KIRREL3: variants seen among roughly 807,000 people sequenced by gnomAD.
The protein encoded by KIRREL3 is kirre like nephrin family adhesion molecule 3, also known as kin of IRRE-like protein 3.
KIRREL3 carries 36 observed loss-of-function variants against 89.7 expected under a neutral mutation model. The observed-to-expected ratio is 0.40, with a 90% CI of 0.31 to 0.53. The LOEUF is 0.53. Ranked by LOEUF, KIRREL3 falls within the 20% of genes least tolerant of loss-of-function variation. The pLI, the probability that KIRREL3 is intolerant of heterozygous loss-of-function variation, is 0.49. For missense variants in KIRREL3, 864 were observed against 1,056.6 expected, an observed-to-expected ratio of 0.82 and a Z score of 2.53; for synonymous variants, 445 against 441.4, an observed-to-expected ratio of 1.01 and a Z score of -0.10.
intron 1 of KIRREL3, among the ~76,000 whole-genome samples, chr11:126,884,230 C>T (rs1283360827): frequency 6.6e-6 from 1 of 152,204 alleles, no homozygotes; most frequent in African/African-American, 2.4e-5. Flanking sequence ...GAGGTGGTCA[C>T]TGAGAATCTG....
chr11:126,467,155 G>A (rs941206013), intron 5 of KIRREL3, among the ~76,000 whole-genome samples: 1 of 152,202 alleles, frequency 6.6e-6, no homozygotes, highest in African/African-American at 2.4e-5. Flanking sequence ...GGTGTTCATG[G>A]GCCTCTGTCC....
chr11:126,526,787 C>A lies in KIRREL3; in HGVS notation c.134-100G>T. The A allele has an allele frequency of 7.8e-7, 1 of 1,285,790 alleles. No individual in the cohort carries two copies. The highest frequency in any genetic ancestry group is 1.1e-6 in the Non-Finnish European group (1 of 929,082). 79.6% of individuals were successfully genotyped at this position (1,285,790 alleles called of 1,614,324 possible). A position where few individuals can be genotyped will look rare whatever the true frequency, so the allele number is the denominator to read the frequency against. Reference sequence around the variant, plus strand: ...AGCAGAGCAGGGCTGGCGCAGGAGACTGAGCCTCCTGAAGCACCTGGCTTT... The same window carrying A: ...AGCAGAGCAGGGCTGGCGCAGGAGAATGAGCCTCCTGAAGCACCTGGCTTT... On this transcript the variant is annotated intron_variant, in intron 2 of 16. Coordinates refer to ENST00000525144, the MANE Select transcript of KIRREL3 (RefSeq NM_032531.4). The surrounding 1 kb of genome is among the most constrained non-coding windows in gnomAD (Gnocchi z 5.7).
At chr11:126,728,759 C>T (rs12806105) in intron 1 of KIRREL3, among the ~76,000 whole-genome samples, 9,047 of 152,262 alleles carry the variant, frequency 0.059, 450 homozygotes, top group African/African-American at 0.13. Context: ...TAAGTAACTT[C>T]GTCCCCTGGG....
At chr11:126,861,769 G>T (rs138337318) in intron 1 of KIRREL3, among the ~76,000 whole-genome samples, 7 of 152,338 alleles carry the variant, frequency 4.6e-5, no homozygotes, top group Middle Eastern at 3.4e-3. Flanking sequence ...TGAATTCTCT[G>T]CTGACCTGGA....
At position 126,872,658 on chromosome 11, in the gene KIRREL3, C is replaced by A. The variant is rs561984361; in HGVS notation, c.55+127797G>T. Among the ~76,000 whole-genome samples the A allele has an allele frequency of 3.8e-4, 58 of 152,328 alleles. 1 individual carries two copies. In the South Asian group the frequency reaches 5.8e-3, roughly 15 times the overall value. ...GCTCCAGAGTGTCTATCTTTTCTTT[C>A]TCTGTCTCCCTCCTATCCCACCCCA... On this transcript the variant is annotated intron_variant, in intron 1 of 16. Transcript: ENST00000525144. The surrounding 1 kb of genome is among the most constrained non-coding windows in gnomAD (Gnocchi z 4.2).
chr11:126,583,000 A>G (rs532432925), intron 1 of KIRREL3, among the ~76,000 whole-genome samples: 1 of 150,390 alleles, frequency 6.6e-6, no homozygotes, highest in Admixed American at 6.7e-5. Flanking sequence ...CTCACTGCTA[A>G]CAGATGGACA....
chr11:126,787,411 A>C (rs1950516400), intron 1 of KIRREL3, among the ~76,000 whole-genome samples: 2 of 152,112 alleles, frequency 1.3e-5, no homozygotes, highest in Non-Finnish European at 2.9e-5. Flanking sequence ...AATATAGTCC[A>C]CCCCACCCAA....
intron 1 of KIRREL3, among the ~76,000 whole-genome samples, chr11:126,938,632 G>A (rs912369971): frequency 1.3e-5 from 2 of 152,312 alleles, no homozygotes; most frequent in Non-Finnish European, 1.5e-5. Context: ...ATGATTGCTC[G>A]TGGGAGTCAG....
At position 126,687,358 on chromosome 11, in the gene KIRREL3, C is replaced by T. The variant is rs893090188; in HGVS notation, c.56-124446G>A. Among the ~76,000 whole-genome samples the T allele has an allele frequency of 1.3e-5, 2 of 152,156 alleles. No homozygotes were observed. The highest frequency in any genetic ancestry group is 2.9e-5 in the Non-Finnish European group (2 of 68,038). On this transcript the variant is annotated intron_variant, in intron 1 of 16. Coordinates refer to ENST00000525144, the MANE Select transcript of KIRREL3 (RefSeq NM_032531.4). The surrounding 1 kb of genome is among the most constrained non-coding windows in gnomAD (Gnocchi z 4.6). Reference sequence around the variant, plus strand: ...CAACGCATACCTCCCAACATAACATCCCCAAATTTACCTAGCCCAGAGTTT... The same window carrying T: ...CAACGCATACCTCCCAACATAACATTCCCAAATTTACCTAGCCCAGAGTTT...
intron 1 of KIRREL3, among the ~76,000 whole-genome samples, chr11:126,842,537 A>G (rs1307163666): frequency 6.6e-6 from 1 of 152,182 alleles, no homozygotes; most frequent in Non-Finnish European, 1.5e-5. Context: ...AAGTCCCCCA[A>G]TATCCTTCAT....
In KIRREL3 at chr11:126,821,931, G is replaced by T. The variant is rs185092047; in HGVS notation, c.55+178524C>A. Among the ~76,000 whole-genome samples the T allele has an allele frequency of 5.9e-5, 9 of 152,310 alleles. No individual in the cohort carries two copies. In the East Asian group the frequency reaches 1.3e-3, roughly 23 times the overall value. On this transcript the variant is annotated intron_variant, in intron 1 of 16. Transcript: ENST00000525144. ...TTTCCAGAAGGAACACAGCCCTGCA[G>T]ACACATTGATTTAATTCCAGTGAAA...
rs551820716 is a variant in KIRREL3 at position 126,508,310 on chromosome 11, T to C, written c.433+13005A>G. On this transcript the variant is annotated intron_variant, in intron 4 of 16. Transcript: ENST00000525144. This position sits in a 1 kb window ranked among gnomAD's most constrained non-coding sequence, Gnocchi z 4.9. ...TCTGGGTGCCTATGAACCTCCCCCT[T>C]GGAAAAACCTCCTTCACACGGACAG... Among the ~76,000 whole-genome samples the C allele has an allele frequency of 5.3e-5, 8 of 152,218 alleles. No homozygotes were observed. The highest frequency in any genetic ancestry group is 1.9e-4 in the African/African-American group (8 of 41,518).
In KIRREL3 at chr11:126,564,842, T is replaced by C. The variant is rs559282066; in HGVS notation, c.56-1930A>G. 6.6e-6 allele frequency among the ~76,000 whole-genome samples: 1 copy of C among 152,266 alleles called. No homozygotes were observed. Among genetic ancestry groups the C allele is most frequent in the African/African-American group, 2.4e-5 (1 of 41,550 alleles). ...TGCTGAGCTCCCTGGAACAATAGCC[T>C]CTCGAGGGAGACTGTATTGAAACCT... On this transcript the variant is annotated intron_variant, in intron 1 of 16. Coordinates refer to ENST00000525144, the MANE Select transcript of KIRREL3 (RefSeq NM_032531.4). This position sits in a 1 kb window ranked among gnomAD's most constrained non-coding sequence, Gnocchi z 7.4.
In KIRREL3 at chr11:126,543,693, G is replaced by A. The variant is rs193220576; in HGVS notation, c.134-17006C>T. On this transcript the variant is annotated intron_variant, in intron 2 of 16. Coordinates refer to ENST00000525144, the MANE Select transcript of KIRREL3 (RefSeq NM_032531.4). ...AGCCCCTGCCCTTCCTGAAGACCAC[G>A]GAAACCTCTCCCATGGTGCCCTTGG... Among the ~76,000 whole-genome samples the A allele has an allele frequency of 1.8e-4, 28 of 152,278 alleles. No homozygotes were observed. The East Asian group carries it at 3.7e-3, about 20-fold the overall frequency.
At chr11:126,862,565 T>C (rs979144314) in intron 1 of KIRREL3, among the ~76,000 whole-genome samples, 4 of 152,286 alleles carry the variant, frequency 2.6e-5, no homozygotes, top group Non-Finnish European at 5.9e-5. Context: ...CTCTAGCCCC[T>C]GTCCCTTCTG....
In KIRREL3 at chr11:126,655,983, G is replaced by C. The variant is rs1945119159; in HGVS notation, c.56-93071C>G. The C allele has an allele frequency of 1.5e-5, 4 of 271,310 alleles. No homozygotes were observed. The highest frequency in any genetic ancestry group is 1.0e-3 in the Middle Eastern group (1 of 980). 16.8% of individuals were successfully genotyped at this position (271,310 alleles called of 1,614,324 possible). A position where few individuals can be genotyped will look rare whatever the true frequency, so the allele number is the denominator to read the frequency against. On this transcript the variant is annotated intron_variant, in intron 1 of 16. Transcript: ENST00000525144. This position sits in a 1 kb window ranked among gnomAD's most constrained non-coding sequence, Gnocchi z 5.0. The stretch of plus-strand genomic sequence containing the variant: ...AAAGGTGGGTGGGGCTGAAGGAGGG[G>C]TGGGAGGAGGCCTTAGAAGCTAATT...
At chr11:126,617,295 A>T (rs1295081711) in intron 1 of KIRREL3, among the ~76,000 whole-genome samples, 1 of 152,246 alleles carries the variant, frequency 6.6e-6, no homozygotes, top group Non-Finnish European at 1.5e-5. Context: ...TGGTGAAGAA[A>T]CATGGCCTCT....
rs1027563503 is a variant in KIRREL3 at position 126,747,203 on chromosome 11, G to A, written c.56-184291C>T. ...AGCTTGGCTCTTGGCTTAGTCCCAGGCCAGCAGGCCTCATACCTCTACTCT... is the reference window on the plus strand; with the variant it reads ...AGCTTGGCTCTTGGCTTAGTCCCAGACCAGCAGGCCTCATACCTCTACTCT... On this transcript the variant is annotated intron_variant, in intron 1 of 16. Coordinates refer to ENST00000525144, the MANE Select transcript of KIRREL3 (RefSeq NM_032531.4). This position sits in a 1 kb window ranked among gnomAD's most constrained non-coding sequence, Gnocchi z 4.7. Among the ~76,000 whole-genome samples the A allele has an allele frequency of 1.3e-5, 2 of 152,178 alleles. No homozygotes were observed. Among genetic ancestry groups the A allele is most frequent in the Non-Finnish European group, 2.9e-5 (2 of 68,024 alleles).
intron 1 of KIRREL3, among the ~76,000 whole-genome samples, chr11:126,784,805 G>T (rs972585713): frequency 1.3e-5 from 2 of 152,186 alleles, no homozygotes; most frequent in Non-Finnish European, 1.5e-5. Context: ...TTTACTTAGC[G>T]CTTGTCCTGC....
Sources: gnomAD v4.1 joint callset for allele counts (sites outside exome capture counted in the v4.1 genomes callset) on GRCh38, gnomAD v4.1.1 for gene constraint, Gnocchi (gnomAD v3.1) non-coding constraint, MANE v1.5 for transcripts, NCBI Gene and HGNC (gene_info 2026-07-23, HGNC 2026-07-21) for gene names.